Variants in SPAG16 observed in about 807,000 individuals in gnomAD.
SPAG16 encodes the protein sperm associated antigen 16, also known as sperm-associated antigen 16 protein.
In SPAG16, 86 loss-of-function variants were observed where a neutral mutation model predicts 80.4. The ratio of observed to expected loss-of-function variants is 1.07; its 90% confidence interval spans 0.90 to 1.28. The LOEUF is 1.28. SPAG16 is among the 50% of genes most tolerant of loss of function. The pLI is 0.00. For missense variants in SPAG16, 870 were observed against 765.3 expected (o/e 1.14, Z -1.61); for synonymous variants, 294 against 265.9 (o/e 1.11, Z -1.03).
intron 10 of SPAG16, among the ~76,000 whole-genome samples, chr2:213,825,693 CTTTCTTTCTTTTTT>C (rs1408654304): frequency 1.0e-5 from 1 of 98,986 alleles, no homozygotes; most frequent in Non-Finnish European, 2.0e-5. Flanking sequence ...TTCTTTCTTT[CTTTCTTTCTTTTTT>C]TTTTTTTTTT....
At chr2:214,034,093 C>T (rs1428382787) in intron 13 of SPAG16, among the ~76,000 whole-genome samples, 1 of 152,142 alleles carries the variant, frequency 6.6e-6, no homozygotes, top group Non-Finnish European at 1.5e-5. Context: ...TATAGAATGT[C>T]TCCCGATTTG....
chr2:213,552,830 A>C (rs1200124170), intron 10 of SPAG16, among the ~76,000 whole-genome samples: 2 of 152,152 alleles, frequency 1.3e-5, no homozygotes, highest in Non-Finnish European at 2.9e-5. Flanking sequence ...ACGTGGAAGG[A>C]CTAGACTGGC....
intron 15 of SPAG16, among the ~76,000 whole-genome samples, chr2:214,180,119 A>G (rs972395997): frequency 1.3e-5 from 2 of 151,658 alleles, no homozygotes; most frequent in African/African-American, 4.8e-5. Context: ...ATGACAATGT[A>G]TATTTTAAAA....
chr2:213,824,706 T>C (rs2073163046), intron 10 of SPAG16, among the ~76,000 whole-genome samples: 1 of 152,110 alleles, frequency 6.6e-6, no homozygotes, highest in Non-Finnish European at 1.5e-5. Flanking sequence ...TAGCTCAGGG[T>C]AGTCTTGGCT....
chr2:213,726,668 A>G (rs190320019), intron 10 of SPAG16, among the ~76,000 whole-genome samples: 69 of 152,358 alleles, frequency 4.5e-4, no homozygotes, highest in African/African-American at 1.6e-3. Context: ...GAACATTTCA[A>G]GAGCTAGAAT....
chr2:214,069,670 C>A (rs374284263), intron 13 of SPAG16, among the ~76,000 whole-genome samples: 45 of 152,032 alleles, frequency 3.0e-4, no homozygotes, highest in Non-Finnish European at 5.7e-4. Flanking sequence ...TAAATGAGGT[C>A]TCATTAGTCT....
At chr2:214,142,341 A>C (rs1055756752) in intron 14 of SPAG16, among the ~76,000 whole-genome samples, 8 of 152,188 alleles carry the variant, frequency 5.3e-5, no homozygotes, top group Admixed American at 2.6e-4. Flanking sequence ...CTCACACTTT[A>C]AAATCTTTTT....
At chr2:214,092,070 T>G (rs1453890892) in intron 13 of SPAG16, among the ~76,000 whole-genome samples, 4 of 152,064 alleles carry the variant, frequency 2.6e-5, no homozygotes, top group East Asian at 1.9e-4. Context: ...AGGATTCTAT[T>G]TTATTATTTT....
intron 9 of SPAG16, among the ~76,000 whole-genome samples, chr2:213,413,747 A>T (rs558768544): frequency 6.6e-6 from 1 of 152,302 alleles, no homozygotes; most frequent in South Asian, 2.1e-4. Context: ...GAAATACGTG[A>T]TACTCCATAT....
chr2:214,232,708 T>C (rs1036077490), intron 15 of SPAG16, among the ~76,000 whole-genome samples: 2 of 152,044 alleles, frequency 1.3e-5, no homozygotes, highest in African/African-American at 4.8e-5. Flanking sequence ...TAATAACAAA[T>C]GAATTATAAT....
intron 10 of SPAG16, among the ~76,000 whole-genome samples, chr2:213,776,999 AG>A (rs1285895799): frequency 6.6e-6 from 1 of 152,080 alleles, no homozygotes; most frequent in Non-Finnish European, 1.5e-5. Context: ...AAGAAACAAA[AG>A]TAACTGACTT....
chr2:213,552,792 C>A (rs922380102), intron 10 of SPAG16, among the ~76,000 whole-genome samples: 1 of 150,582 alleles, frequency 6.6e-6, no homozygotes, highest in African/African-American at 2.5e-5. Flanking sequence ...CAGCTGCTAG[C>A]GTGGCTAGGA....
At chr2:214,293,694 G>A (rs1195847564) in intron 15 of SPAG16, among the ~76,000 whole-genome samples, 1 of 152,104 alleles carries the variant, frequency 6.6e-6, no homozygotes, top group East Asian at 1.9e-4. Flanking sequence ...CTCATGGTTT[G>A]CTTATGCACT....
rs573840380 is a variant in SPAG16 at position 213,856,256 on chromosome 2, T to C, written c.1071-6229T>C. ...CTCCATGTCTCACATCCAGGTCACA[T>C]TGATGCAAGAGGTGGACTCCCATAG... On this transcript the variant is annotated intron_variant, in intron 10 of 15. Transcript: ENST00000331683. Among the ~76,000 whole-genome samples the C allele has an allele frequency of 1.7e-4, 26 of 152,312 alleles. 2 individuals carry two copies. Among genetic ancestry groups the C allele is most frequent in the African/African-American group, 5.8e-4 (24 of 41,588 alleles).
chr2:213,575,623 A>G (rs533150466), intron 10 of SPAG16, among the ~76,000 whole-genome samples: 2 of 152,272 alleles, frequency 1.3e-5, no homozygotes, highest in Admixed American at 6.5e-5. Flanking sequence ...TTATTGATCT[A>G]TGAAATGTCA....
intron 15 of SPAG16, among the ~76,000 whole-genome samples, chr2:214,340,729 G>A (rs1164806133): frequency 1.3e-5 from 2 of 152,116 alleles, no homozygotes; most frequent in Non-Finnish European, 2.9e-5. Context: ...TTTGCTTAGG[G>A]CCCTATATGG....
intron 11 of SPAG16, among the ~76,000 whole-genome samples, chr2:213,897,130 C>T (rs927329237): frequency 5.3e-5 from 8 of 151,998 alleles, no homozygotes; most frequent in Admixed American, 5.2e-4. Flanking sequence ...CCTAAGTACA[C>T]TGATTTGATC....
At chr2:213,965,224 A>G (rs1183722047) in intron 12 of SPAG16, among the ~76,000 whole-genome samples, 1 of 152,170 alleles carries the variant, frequency 6.6e-6, no homozygotes, top group African/African-American at 2.4e-5. Flanking sequence ...TCTCTCCCCC[A>G]AATGACAGTG....
At chr2:213,973,082 C>T (rs1170643171) in intron 12 of SPAG16, among the ~76,000 whole-genome samples, 1 of 152,044 alleles carries the variant, frequency 6.6e-6, no homozygotes, top group African/African-American at 2.4e-5. Context: ...AGCTCTGGCC[C>T]AACCTTTACT....
Sources: gnomAD v4.1 joint callset for allele counts (sites outside exome capture counted in the v4.1 genomes callset) on GRCh38, gnomAD v4.1.1 for gene constraint, MANE v1.5 for transcripts, NCBI Gene and HGNC (gene_info 2026-07-23, HGNC 2026-07-21) for gene names.